SYT16: variants seen among roughly 807,000 people sequenced by gnomAD.
SYT16 encodes the protein synaptotagmin 16.
In SYT16, 42 loss-of-function variants were observed where a neutral mutation model predicts 61.4. The ratio of observed to expected loss-of-function variants is 0.68; its 90% CI spans 0.53 to 0.89. SYT16 has a LOEUF of 0.89. Among genes scored for constraint, SYT16 ranks in the 40% least tolerant of loss-of-function variants. SYT16 has a pLI of 0.00. For missense variants in SYT16, 804 were observed against 807.3 expected, an observed-to-expected ratio of 1.00 and a Z score of 0.05; for synonymous variants, 314 against 302.3, an observed-to-expected ratio of 1.04 and a Z score of -0.40.
At chr14:62,053,462 A>G (rs2055401294) in intron 3 of SYT16, among the ~76,000 whole-genome samples, 1 of 152,162 alleles carries the variant, frequency 6.6e-6, no homozygotes, top group Non-Finnish European at 1.5e-5. Context: ...CTGACTGCAG[A>G]CCTTGGCACT....
intron 1 of SYT16, among the ~76,000 whole-genome samples, chr14:61,898,829 T>C (rs1025814818): frequency 2.0e-5 from 3 of 152,174 alleles, no homozygotes; most frequent in African/African-American, 7.2e-5. Context: ...TGAGATAAGT[T>C]GTGTCCCCGT....
intron 1 of SYT16, among the ~76,000 whole-genome samples, chr14:61,900,758 A>G (rs2048484894): frequency 6.6e-6 from 1 of 152,152 alleles, no homozygotes; most frequent in South Asian, 2.1e-4. Flanking sequence ...TCCCAATTCC[A>G]TTCCAGGAAG....
intron 4 of SYT16, 78 bp downstream of exon 4, chr14:62,069,893 C>T: frequency 6.9e-7 from 1 of 1,446,104 alleles, no homozygotes; most frequent in Non-Finnish European, 9.6e-7. Flanking sequence ...TCACCCTCTG[C>T]ACTCTGCATC....
At chr14:61,964,898 C>T (rs901658018) in intron 1 of SYT16, among the ~76,000 whole-genome samples, 1 of 143,296 alleles carries the variant, frequency 7.0e-6, no homozygotes, top group African/African-American at 2.5e-5. Context: ...TGATTTTTAG[C>T]TTTTTTTTTT....
intron 1 of SYT16, among the ~76,000 whole-genome samples, chr14:61,848,976 G>A (rs2140267329): frequency 6.6e-6 from 1 of 152,282 alleles, no homozygotes; most frequent in East Asian, 1.9e-4. Context: ...CATATTACCT[G>A]GTTGTTGCTA....
In SYT16 at chr14:61,861,431, G is replaced by C. The variant is rs778732761; in HGVS notation, c.-325+48621G>C. Among the ~76,000 whole-genome samples the C allele has an allele frequency of 5.3e-5, 8 of 152,008 alleles. 1 individual carries two copies. Among genetic ancestry groups the C allele is most frequent in the Non-Finnish European group, 1.0e-4 (7 of 68,002 alleles). On this transcript the variant is annotated intron_variant, in intron 1 of 7. Coordinates refer to ENST00000683842, the MANE Select transcript of SYT16 (RefSeq NM_001367656.1). ...TTCGGATAATCTCCTTTTTGTTTTC[G>C]AGACAGGGTCTCCCTCTGTTGCCCA...
At chr14:62,069,453 A>G in intron 3 of SYT16, 150 bp from the exon 4 acceptor site, 1 of 712,220 alleles carries the variant, frequency 1.4e-6, no homozygotes, top group Non-Finnish European at 2.4e-6. Flanking sequence ...GTGTTGCAAA[A>G]GTGCTTTAAA....
intron 1 of SYT16, among the ~76,000 whole-genome samples, chr14:61,879,461 A>T (rs1383567958): frequency 1.3e-5 from 2 of 152,172 alleles, no homozygotes; most frequent in African/African-American, 4.8e-5. Context: ...ACCTCTCTGG[A>T]CTGAAGCTCT....
rs562395073 is a variant in SYT16, at chr14:62,110,560, C to T, written c.*9853C>T. 7 of 152,244 alleles carry T rather than the reference C, an allele frequency of 4.6e-5. 1 individual carries two copies. The highest frequency in any genetic ancestry group is 1.7e-4 in the African/African-American group (7 of 41,574). The allele number at this position is 152,244 out of a possible 1,614,324, so 9.4% of individuals were successfully genotyped here. On this transcript the variant is annotated 3_prime_UTR_variant, in exon 8 of 8. Transcript: ENST00000683842. ...TTGACACTTTTAGAGCTCTGCCAAT[C>T]AGTGGGCCATATTCATAGAATGTCA...
intron 1 of SYT16, among the ~76,000 whole-genome samples, chr14:61,887,879 A>T (rs2047968484): frequency 6.6e-6 from 1 of 152,144 alleles, no homozygotes; most frequent in Non-Finnish European, 1.5e-5. Flanking sequence ...CTTTCTTACC[A>T]TGCCTGTGTT....
At chr14:62,020,661 T>C (rs1470771030) in intron 3 of SYT16, among the ~76,000 whole-genome samples, 1 of 152,248 alleles carries the variant, frequency 6.6e-6, no homozygotes, top group Non-Finnish European at 1.5e-5. Context: ...TCCACCTGGT[T>C]CTGACTTTGG....
intron 3 of SYT16, among the ~76,000 whole-genome samples, chr14:62,002,321 C>G (rs1595126159): frequency 6.6e-6 from 1 of 152,074 alleles, no homozygotes. Flanking sequence ...TCAAAATGCT[C>G]TATTACTACA....
intron 3 of SYT16, among the ~76,000 whole-genome samples, chr14:61,996,936 C>A (rs2052796139): frequency 6.6e-6 from 1 of 152,080 alleles, no homozygotes; most frequent in Non-Finnish European, 1.5e-5. Flanking sequence ...AAAAGCCGTA[C>A]TTATCGCAGA....
chr14:61,953,498 G>T (rs2050752428), intron 1 of SYT16, among the ~76,000 whole-genome samples: 1 of 151,944 alleles, frequency 6.6e-6, no homozygotes, highest in Admixed American at 6.6e-5. Context: ...CACAGCATTT[G>T]CTCTCTTGCT....
chr14:62,050,511 G>T (rs1157461486), intron 3 of SYT16, among the ~76,000 whole-genome samples: 1 of 152,184 alleles, frequency 6.6e-6, no homozygotes, highest in Non-Finnish European at 1.5e-5. Context: ...TCTGTTGCTG[G>T]TGAGGAGCTG....
chr14:61,866,155 A>C lies in SYT16; in HGVS notation c.-325+53345A>C, dbSNP rs546428827. Among the ~76,000 whole-genome samples, 279 of 152,274 alleles carry C rather than the reference A, an allele frequency of 1.8e-3. 1 individual carries two copies. The highest frequency in any genetic ancestry group is 5.8e-3 in the African/African-American group (239 of 41,558). On this transcript the variant is annotated intron_variant, in intron 1 of 7. Coordinates refer to ENST00000683842, the MANE Select transcript of SYT16 (RefSeq NM_001367656.1). ...AGGAAACCACCTTTGTAGTCTGAAA[A>C]AAAAAACTATTATGAATACTCGTGT... is the stretch of plus-strand genomic sequence containing the variant.
chr14:62,036,288 A>C (rs1022325552), intron 3 of SYT16, among the ~76,000 whole-genome samples: 1 of 152,110 alleles, frequency 6.6e-6, no homozygotes, highest in Admixed American at 6.6e-5. Context: ...GGATCTGAAA[A>C]AAGAAAAGAG....
intron 1 of SYT16, among the ~76,000 whole-genome samples, chr14:61,840,703 C>A (rs1444881514): frequency 2.0e-5 from 3 of 151,552 alleles, no homozygotes; most frequent in African/African-American, 7.3e-5. Context: ...CTGGTGGCTT[C>A]CATGTTAGTG....
At chr14:62,032,732 G>T (rs2054356643) in intron 3 of SYT16, among the ~76,000 whole-genome samples, 1 of 151,614 alleles carries the variant, frequency 6.6e-6, no homozygotes, top group Non-Finnish European at 1.5e-5. Context: ...AAAAAATTAA[G>T]GTAAATTTAA....
Sources: allele counts gnomAD v4.1 joint callset (sites outside exome capture counted in the v4.1 genomes callset), GRCh38; gene constraint gnomAD v4.1.1; transcripts MANE v1.5; gene names NCBI Gene and HGNC (gene_info 2026-07-23, HGNC 2026-07-21).